Variants in MRPL18 observed in about 807,000 individuals in gnomAD.
The protein encoded by MRPL18 is mitochondrial ribosomal protein L18, also known as large ribosomal subunit protein uL18m.
MRPL18 carries 16 observed loss-of-function variants against 20.9 expected under a neutral mutation model. That is an observed-to-expected ratio of 0.76 (90% CI 0.52 to 1.16). The LOEUF (loss-of-function observed/expected upper bound fraction) is 1.16. Ranked by LOEUF, MRPL18 falls within the 50% of genes most tolerant of loss-of-function variation. The pLI, the probability that MRPL18 is intolerant of heterozygous loss-of-function variation, is 0.00. For missense variants in MRPL18, 233 were observed against 230.6 expected, an observed-to-expected ratio of 1.01 and a Z score of -0.07; for synonymous variants, 91 against 87.1, an observed-to-expected ratio of 1.04 and a Z score of -0.25.
intron 1 of MRPL18, 88 bp from the exon 2 acceptor site, chr6:159,790,852 G>T: frequency 6.6e-7 from 1 of 1,514,678 alleles, no homozygotes; most frequent in Non-Finnish European, 8.9e-7. Context: ...AAGATTGGGG[G>T]TGTAAAAGCG....
At chr6:159,797,168 G>A (rs368911199) in intron 2 of MRPL18, 119 bp from the exon 3 acceptor site, 1 of 234,702 alleles carries the variant, frequency 4.3e-6, no homozygotes, top group Non-Finnish European at 7.8e-6. Flanking sequence ...TAAATATGTT[G>A]AAGTAAATGA....
chr6:159,796,656 C>T (rs1781035820), intron 2 of MRPL18, among the ~76,000 whole-genome samples: 1 of 152,068 alleles, frequency 6.6e-6, no homozygotes, highest in African/African-American at 2.4e-5. Flanking sequence ...CAGTGGCATG[C>T]ACCTGTAATG....
At chr6:159,791,379 T>C (rs1288591935) in intron 2 of MRPL18, among the ~76,000 whole-genome samples, 1 of 152,144 alleles carries the variant, frequency 6.6e-6, no homozygotes, top group Non-Finnish European at 1.5e-5. Context: ...AGCCTAGTCA[T>C]CTGCCAGAAA....
chr6:159,796,812 TTGA>T (rs1301646334), intron 2 of MRPL18, among the ~76,000 whole-genome samples: 1 of 152,186 alleles, frequency 6.6e-6, no homozygotes, highest in East Asian at 1.9e-4. Flanking sequence ...ATGACATGGT[TTGA>T]TGTCATATTT....
chr6:159,795,144 A>C (rs897210015), intron 2 of MRPL18, among the ~76,000 whole-genome samples: 1 of 152,200 alleles, frequency 6.6e-6, no homozygotes, highest in African/African-American at 2.4e-5. Context: ...AACTCAGTAG[A>C]TGGAACGTAC....
intron 2 of MRPL18, among the ~76,000 whole-genome samples, chr6:159,793,767 C>G (rs143400692): frequency 2.6e-5 from 4 of 152,064 alleles, no homozygotes; most frequent in Non-Finnish European, 4.4e-5. Context: ...AAAAAATTAG[C>G]CAGGCGTGGT....
intron 2 of MRPL18, among the ~76,000 whole-genome samples, chr6:159,794,218 C>A (rs1780977965): frequency 6.6e-6 from 1 of 152,208 alleles, no homozygotes; most frequent in South Asian, 2.1e-4. Flanking sequence ...TCTTTCTTCA[C>A]CACCACCCTC....
At chr6:159,791,254 G>A (rs1457225397) in intron 2 of MRPL18, 128 bp downstream of exon 2, 1 of 1,082,406 alleles carries the variant, frequency 9.2e-7, no homozygotes, top group Middle Eastern at 2.3e-4. Flanking sequence ...GGAGGGGCTG[G>A]AACAAACAAC....
chr6:159,794,510 T>C (rs991381329), intron 2 of MRPL18, among the ~76,000 whole-genome samples: 1 of 152,350 alleles, frequency 6.6e-6, no homozygotes, highest in African/African-American at 2.4e-5. Flanking sequence ...TTCATCATTA[T>C]AAAGCATTAT....
At position 159,798,265 on chromosome 6, in the gene MRPL18, C is replaced by A; in HGVS notation, c.*142C>A. 1.7e-6 allele frequency: 1 copy of A among 603,882 alleles called. No homozygotes were observed. Among genetic ancestry groups the A allele is most frequent in the Non-Finnish European group, 2.8e-6 (1 of 356,774 alleles). 37.4% of individuals were successfully genotyped at this position (603,882 alleles called of 1,614,324 possible). On this transcript the variant is annotated 3_prime_UTR_variant, in exon 4 of 4. Coordinates refer to ENST00000367034, the MANE Select transcript of MRPL18 (RefSeq NM_014161.5). Reference sequence around the variant, plus strand: ...GTGGAATATTATTTGTAGTTAAGGTCATCCTCCTCCCCTTTCTGTTTTTTT... The same window carrying A: ...GTGGAATATTATTTGTAGTTAAGGTAATCCTCCTCCCCTTTCTGTTTTTTT...
At chr6:159,793,596 G>A (rs538883270) in intron 2 of MRPL18, among the ~76,000 whole-genome samples, 2 of 152,252 alleles carry the variant, frequency 1.3e-5, no homozygotes, top group African/African-American at 2.4e-5. Context: ...GAAAAAGATT[G>A]TTGACTCCTG....
At chr6:159,790,838 C>A in intron 1 of MRPL18, 102 bp from the exon 2 acceptor site, 1 of 1,471,430 alleles carries the variant, frequency 6.8e-7, no homozygotes, top group Non-Finnish European at 9.2e-7. Flanking sequence ...TCCCCTCGGG[C>A]CTAAAGATTG....
At chr6:159,794,258 A>G (rs932650896) in intron 2 of MRPL18, among the ~76,000 whole-genome samples, 1 of 152,234 alleles carries the variant, frequency 6.6e-6, no homozygotes, top group Non-Finnish European at 1.5e-5. Context: ...TTAAAAATAC[A>G]TCTTGGAGAT....
At chr6:159,790,707 G>A in intron 1 of MRPL18, 68 bp downstream of exon 1, 1 of 1,579,808 alleles carries the variant, frequency 6.3e-7, no homozygotes, top group Non-Finnish European at 8.7e-7. Context: ...GGAACGTGCG[G>A]GTTCTATTTT....
At chr6:159,797,963 ATTTC>A in intron 3 of MRPL18, 85 bp from the exon 4 acceptor site, 1 of 1,095,228 alleles carries the variant, frequency 9.1e-7, no homozygotes, top group Non-Finnish European at 1.4e-6. Context: ...AAATCAATTT[ATTTC>A]TGTCTTTTGG....
chr6:159,794,339 C>G (rs897684904), intron 2 of MRPL18, among the ~76,000 whole-genome samples: 4 of 152,188 alleles, frequency 2.6e-5, no homozygotes, highest in South Asian at 2.1e-4. Flanking sequence ...CCATTACTTA[C>G]TAGTTTTAAT....
intron 2 of MRPL18, among the ~76,000 whole-genome samples, chr6:159,795,369 C>T (rs1256951230): frequency 6.6e-6 from 1 of 152,250 alleles, no homozygotes; most frequent in East Asian, 1.9e-4. Context: ...TTGGACAATA[C>T]CTGGCTTTCC....
chr6:159,794,554 T>C (rs1780984949), intron 2 of MRPL18, among the ~76,000 whole-genome samples: 1 of 152,276 alleles, frequency 6.6e-6, no homozygotes, highest in South Asian at 2.1e-4. Flanking sequence ...GGAATACTAT[T>C]GCATGGATTT....
intron 2 of MRPL18, 140 bp downstream of exon 2, chr6:159,791,266 A>C: frequency 2.2e-6 from 2 of 925,964 alleles, no homozygotes; most frequent in South Asian, 1.7e-5. Context: ...ACAAACAACA[A>C]ATAGGTGTGA....
Sources: allele counts gnomAD v4.1 joint callset (sites outside exome capture counted in the v4.1 genomes callset), GRCh38; gene constraint gnomAD v4.1.1; transcripts MANE v1.5; gene names NCBI Gene and HGNC (gene_info 2026-07-23, HGNC 2026-07-21).